ESR1: variants seen among roughly 807,000 people sequenced by gnomAD.
The protein encoded by ESR1 is estrogen receptor 1, also known as estrogen receptor.
ESR1 carries 12 observed loss-of-function variants against 52.7 expected under a neutral mutation model. The ratio of observed to expected loss-of-function variants is 0.23; its 90% CI spans 0.15 to 0.37. ESR1 has a LOEUF of 0.37. ESR1 is among the 10% of genes least tolerant of loss of function. ESR1 has a pLI of 1.00. For synonymous variants in ESR1, 305 were observed against 316.8 expected, an observed-to-expected ratio of 0.96 and a Z score of 0.39; for missense variants, 584 against 779.7, an observed-to-expected ratio of 0.75 and a Z score of 2.99.
In ESR1 at chr6:152,028,255, A is replaced by G. The variant is rs549738193; in HGVS notation, c.1235+16461A>G. ...CAAATGATTTTTGCATTTCCAAATGAGGTACCAGGTTCATCTCACTGGGGA... is the reference window on the plus strand; with the variant it reads ...CAAATGATTTTTGCATTTCCAAATGGGGTACCAGGTTCATCTCACTGGGGA... On this transcript the variant is annotated intron_variant, in intron 5 of 7. Transcript: ENST00000206249. 2.0e-5 allele frequency among the ~76,000 whole-genome samples: 3 copies of G among 152,326 alleles called. No homozygotes were observed. In the South Asian group the frequency reaches 6.2e-4, roughly 32 times the overall value.
At chr6:151,986,244 T>C (rs986039592) in intron 4 of ESR1, among the ~76,000 whole-genome samples, 1 of 152,120 alleles carries the variant, frequency 6.6e-6, no homozygotes, top group Non-Finnish European at 1.5e-5. Flanking sequence ...AAAATCAAAT[T>C]CAAGAGGTAA....
chr6:152,024,735 ATGTAT>A (rs990632130), intron 5 of ESR1, among the ~76,000 whole-genome samples: 16 of 148,004 alleles, frequency 1.1e-4, no homozygotes, highest in African/African-American at 3.2e-4. Flanking sequence ...TAATATATAC[ATGTAT>A]TGTATTTATA....
chr6:151,859,798 G>C (rs1216448979), intron 2 of ESR1, among the ~76,000 whole-genome samples: 1 of 152,136 alleles, frequency 6.6e-6, no homozygotes, highest in Non-Finnish European at 1.5e-5. Context: ...GATCCCTGGG[G>C]CTCGCCCTGT....
chr6:151,735,831 T>A (rs931142010), intron 2 of ESR1, among the ~76,000 whole-genome samples: 3 of 152,198 alleles, frequency 2.0e-5, no homozygotes, highest in African/African-American at 7.2e-5. Flanking sequence ...GGGAGGTACC[T>A]GGTGGGAGGT....
chr6:152,105,857 G>A (rs1390928892), downstream of ESR1, among the ~76,000 whole-genome samples: 1 of 127,058 alleles, frequency 7.9e-6, no homozygotes, highest in South Asian at 2.5e-4. Context: ...GCGCAATCTC[G>A]GCTCGCTGCA....
chr6:151,815,513 G>A (rs958451396), intron 1 of ESR1, among the ~76,000 whole-genome samples: 2 of 152,182 alleles, frequency 1.3e-5, no homozygotes, highest in Non-Finnish European at 2.9e-5. Context: ...GACATGGTTT[G>A]CTTCAGTCTA....
intron 3 of ESR1, among the ~76,000 whole-genome samples, chr6:151,890,209 C>G (rs967232531): frequency 6.6e-5 from 10 of 151,848 alleles, no homozygotes; most frequent in Admixed American, 2.0e-4. Flanking sequence ...CTCAGCCTCC[C>G]GAGCAGCTGG....
upstream of ESR1, among the ~76,000 whole-genome samples, chr6:151,686,907 C>G (rs1348600274): frequency 1.3e-5 from 2 of 152,172 alleles, no homozygotes; most frequent in African/African-American, 4.8e-5. Flanking sequence ...CGGCTATAGC[C>G]AGACCCTGCA....
chr6:151,701,838 C>G (rs1779819500), intron 1 of ESR1: 1 of 152,088 alleles, frequency 6.6e-6, no homozygotes, highest in Non-Finnish European at 1.5e-5. Context: ...AGAAATCACC[C>G]ACATCTCCCT....
chr6:152,051,411 G>C (rs1172445318), intron 5 of ESR1, among the ~76,000 whole-genome samples: 1 of 152,080 alleles, frequency 6.6e-6, no homozygotes, highest in Non-Finnish European at 1.5e-5. Flanking sequence ...AACTGACTAG[G>C]ATCTCAATCT....
chr6:151,727,008 A>G (rs987768348), intron 2 of ESR1, among the ~76,000 whole-genome samples: 1 of 152,162 alleles, frequency 6.6e-6, no homozygotes, highest in Non-Finnish European at 1.5e-5. Flanking sequence ...AGAACCATTT[A>G]TCAGATTCAG....
intron 2 of ESR1, among the ~76,000 whole-genome samples, chr6:151,720,097 C>CT (rs1208986615): frequency 6.6e-6 from 1 of 151,930 alleles, no homozygotes; most frequent in East Asian, 1.9e-4. Flanking sequence ...CATTGGCTCA[C>CT]TTTTTTTTGT....
At chr6:151,960,446 A>G (rs2037519199) in intron 4 of ESR1, among the ~76,000 whole-genome samples, 1 of 152,154 alleles carries the variant, frequency 6.6e-6, no homozygotes, top group Non-Finnish European at 1.5e-5. Flanking sequence ...CAACACCTGA[A>G]GGAGGAGGTG....
At chr6:151,708,461 A>G (rs1475575115) in intron 2 of ESR1, among the ~76,000 whole-genome samples, 2 of 152,104 alleles carry the variant, frequency 1.3e-5, no homozygotes, top group Admixed American at 1.3e-4. Context: ...CTGGTTTAAA[A>G]GGTATGTGTA....
At chr6:151,868,981 G>A (rs1471218815) in intron 2 of ESR1, among the ~76,000 whole-genome samples, 1 of 152,116 alleles carries the variant, frequency 6.6e-6, no homozygotes, top group African/African-American at 2.4e-5. Context: ...CCAGAGCTTA[G>A]TGAACCGTCT....
intron 2 of ESR1, among the ~76,000 whole-genome samples, chr6:151,765,429 G>A (rs1001487855): frequency 6.6e-6 from 1 of 152,186 alleles, no homozygotes; most frequent in African/African-American, 2.4e-5. Context: ...TACATTTCAA[G>A]TGCTTCATAG....
At chr6:152,074,013 G>C (rs2048541831) in intron 6 of ESR1, among the ~76,000 whole-genome samples, 1 of 152,034 alleles carries the variant, frequency 6.6e-6, no homozygotes, top group African/African-American at 2.4e-5. Context: ...AGTACAGAAA[G>C]TTCCCATATA....
intron 6 of ESR1, among the ~76,000 whole-genome samples, chr6:152,079,512 A>G (rs890483156): frequency 5.3e-5 from 8 of 151,342 alleles, no homozygotes; most frequent in Non-Finnish European, 1.2e-4. Context: ...CCAAAGGTAG[A>G]TAAAACCACA....
intron 4 of ESR1, among the ~76,000 whole-genome samples, chr6:151,966,282 A>G (rs924632425): frequency 6.6e-6 from 1 of 152,144 alleles, no homozygotes; most frequent in Non-Finnish European, 1.5e-5. Flanking sequence ...TTTCTTTCAT[A>G]TCACTTGGCA....
Sources: allele counts gnomAD v4.1 joint callset (sites outside exome capture counted in the v4.1 genomes callset), GRCh38; gene constraint gnomAD v4.1.1; transcripts MANE v1.5; gene names NCBI Gene and HGNC (gene_info 2026-07-23, HGNC 2026-07-21).